Variants in LRRC69 observed in about 807,000 individuals in gnomAD.
LRRC69 encodes the protein leucine rich repeat containing 69.
A neutral mutation model predicts 37.8 loss-of-function variants in LRRC69; 42 were observed. That is an observed-to-expected ratio of 1.11 (90% CI 0.87 to 1.44). The LOEUF is 1.44. Ranked by LOEUF, LRRC69 falls within the 40% of genes most tolerant of loss-of-function variation. The pLI is 0.00. For missense variants in LRRC69, 357 were observed against 401.9 expected (o/e 0.89, Z 0.96); for synonymous variants, 141 against 143.1 (o/e 0.99, Z 0.11).
At chr8:91,158,530 A>G in intron 5 of LRRC69, 1 of 1,129,362 alleles carries the variant, frequency 8.9e-7, no homozygotes, top group Non-Finnish European at 1.4e-6. Flanking sequence ...GATGAAATAG[A>G]CTTACACACT....
At chr8:91,197,689 A>G (rs36154596) in intron 6 of LRRC69, among the ~76,000 whole-genome samples, 7,942 of 151,760 alleles carry the variant, frequency 0.052, 278 homozygotes, top group Middle Eastern at 0.16. Flanking sequence ...GCAATGCCTC[A>G]CCCTGCTTCG....
chr8:91,108,495 C>T (rs1302787393), intron 1 of LRRC69, among the ~76,000 whole-genome samples: 1 of 151,926 alleles, frequency 6.6e-6, no homozygotes, highest in East Asian at 1.9e-4. Context: ...GTGAAAAGTG[C>T]TGTAAAGGAG....
At chr8:91,207,943 G>A (rs1389941743) in intron 7 of LRRC69, among the ~76,000 whole-genome samples, 1 of 152,218 alleles carries the variant, frequency 6.6e-6, no homozygotes, top group Non-Finnish European at 1.5e-5. Flanking sequence ...CAAGGTGCCA[G>A]GAGGGGTTGG....
Position 91,190,733 on chromosome 8 carries a change from T to C in LRRC69, c.753+1110T>C, listed in dbSNP as rs530188693. Among the ~76,000 whole-genome samples the C allele has an allele frequency of 5.3e-5, 8 of 152,296 alleles. No homozygotes were observed. In the South Asian group the frequency reaches 8.3e-4, roughly 16 times the overall value. ...CACTGTTGGATGTTTAAATTATTAA[T>C]AATTTTCTGGCTTTTTAGCCTTTAT... is the stretch of plus-strand genomic sequence containing the variant. On this transcript the variant is annotated intron_variant, in intron 6 of 7. Coordinates refer to ENST00000448384, the Ensembl canonical transcript of LRRC69.
chr8:91,156,783 A>G (rs1808843548), intron 5 of LRRC69, among the ~76,000 whole-genome samples: 1 of 150,938 alleles, frequency 6.6e-6, no homozygotes, highest in Non-Finnish European at 1.5e-5. Context: ...ATTCATCTTG[A>G]GTTGATTTTT....
At chr8:91,135,712 AAAT>A (rs758857365) in exon 5 of LRRC69, 2 of 1,459,002 alleles carry the variant, frequency 1.4e-6, no homozygotes, top group South Asian at 2.9e-5. Flanking sequence ...ACATAGCTGG[AAAT>A]ATTATTCAGA....
intron 5 of LRRC69, among the ~76,000 whole-genome samples, chr8:91,163,209 G>T (rs1178356471): frequency 6.6e-6 from 1 of 151,034 alleles, no homozygotes; most frequent in Non-Finnish European, 1.5e-5. Context: ...TTTCTTTATG[G>T]CACTTACCAC....
At chr8:91,118,155 G>A (rs1414572345) in intron 1 of LRRC69, 1 of 455,368 alleles carries the variant, frequency 2.2e-6, no homozygotes, top group Non-Finnish European at 4.4e-6. Flanking sequence ...TGTGCTCATG[G>A]GGAAGGTATA....
chr8:91,186,314 A>T (rs1809406886), intron 5 of LRRC69, among the ~76,000 whole-genome samples: 1 of 152,164 alleles, frequency 6.6e-6, no homozygotes, highest in Non-Finnish European at 1.5e-5. Flanking sequence ...TTTATAGGTA[A>T]TATGATTAAT....
chr8:91,175,891 A>T (rs1316614417), intron 5 of LRRC69, among the ~76,000 whole-genome samples: 5 of 151,018 alleles, frequency 3.3e-5, no homozygotes, highest in Non-Finnish European at 7.4e-5. Context: ...TCTGGAGATG[A>T]TCACTATTCA....
At chr8:91,134,932 G>T (rs1325601475) in intron 4 of LRRC69, among the ~76,000 whole-genome samples, 1 of 151,930 alleles carries the variant, frequency 6.6e-6, no homozygotes, top group African/African-American at 2.4e-5. Flanking sequence ...CTTGTGAGGG[G>T]TATACACATG....
chr8:91,197,126 T>A (rs1461822257), intron 6 of LRRC69, among the ~76,000 whole-genome samples: 5 of 152,036 alleles, frequency 3.3e-5, no homozygotes, highest in African/African-American at 4.8e-5. Context: ...GTGCCCCTGC[T>A]GGGGGGTGCC....
intron 7 of LRRC69, among the ~76,000 whole-genome samples, chr8:91,204,740 C>T (rs879042194): frequency 2.0e-5 from 3 of 152,210 alleles, no homozygotes; most frequent in Admixed American, 2.0e-4. Flanking sequence ...CATAAGCTTA[C>T]ATTTCTAACT....
chr8:91,200,940 AGT>A (rs1809702648), intron 7 of LRRC69, 148 bp downstream of exon 7: 1 of 624,724 alleles, frequency 1.6e-6, no homozygotes, highest in South Asian at 3.9e-5. Flanking sequence ...AATTTGGATA[AGT>A]GTCGGTAATA....
At chr8:91,201,973 A>T (rs1427721853) in intron 7 of LRRC69, among the ~76,000 whole-genome samples, 1 of 152,106 alleles carries the variant, frequency 6.6e-6, no homozygotes, top group Non-Finnish European at 1.5e-5. Context: ...TGTGAAGTCG[A>T]GGTGGGTGGA....
At chr8:91,156,481 T>C (rs28827575) in intron 5 of LRRC69, among the ~76,000 whole-genome samples, 23,769 of 150,914 alleles carry the variant, frequency 0.16, 4,436 homozygotes, top group African/African-American at 0.45. Flanking sequence ...TAATCACTTG[T>C]AGGATGAATG....
intron 3 of LRRC69, among the ~76,000 whole-genome samples, chr8:91,129,321 C>T (rs751854001): frequency 8.6e-5 from 13 of 151,950 alleles, no homozygotes; most frequent in Non-Finnish European, 1.5e-4. Context: ...AGACAGATGT[C>T]AGGGAGAATC....
chr8:91,174,404 G>A (rs530699489), intron 5 of LRRC69, among the ~76,000 whole-genome samples: 109 of 152,254 alleles, frequency 7.2e-4, no homozygotes, highest in African/African-American at 2.6e-3. Flanking sequence ...AATTAAAGGC[G>A]CTATGCCTTT....
chr8:91,105,235 G>T (rs569868616), intron 1 of LRRC69, among the ~76,000 whole-genome samples: 2 of 151,848 alleles, frequency 1.3e-5, no homozygotes, highest in African/African-American at 4.8e-5. Flanking sequence ...GGGTCTTGGA[G>T]AAATTGTGGA....
Sources: gnomAD v4.1 joint callset for allele counts (sites outside exome capture counted in the v4.1 genomes callset) on GRCh38, gnomAD v4.1.1 for gene constraint, MANE v1.5 for transcripts, NCBI Gene and HGNC (gene_info 2026-07-23, HGNC 2026-07-21) for gene names.